The following ZNF3 variants were observed in gnomAD, a reference collection of about 807,000 sequenced individuals.
ZNF3 encodes C2-H2 type zinc finger protein.
In ZNF3, 16 loss-of-function variants were observed where a neutral mutation model predicts 36.9. That is an observed-to-expected ratio of 0.43 (90% confidence interval 0.29 to 0.66). The LOEUF (loss-of-function observed/expected upper bound fraction) is 0.66. Ranked by LOEUF, ZNF3 falls within the 30% of genes least tolerant of loss-of-function variation. The pLI is 0.13. For synonymous variants in ZNF3, 201 were observed against 201.9 expected (o/e 1.00, Z 0.04); for missense variants, 462 against 543.1 (o/e 0.85, Z 1.48).
chr7:100,073,754 A>G (rs963255515), intron 5 of ZNF3, among the ~76,000 whole-genome samples: 1 of 152,142 alleles, frequency 6.6e-6, no homozygotes, highest in African/African-American at 2.4e-5. Context: ...AGAAGCAGAG[A>G]AGGAGAGGAC....
At position 100,071,110 on chromosome 7, in the gene ZNF3, A is replaced by G. The variant is rs367811123; in HGVS notation, c.*33T>C. The G allele has an allele frequency of 6.9e-5, 106 of 1,545,828 alleles. No individual in the cohort carries two copies. Among genetic ancestry groups the G allele is most frequent in the Non-Finnish European group, 8.7e-5 (100 of 1,148,082 alleles). On this transcript the variant is annotated 3_prime_UTR_variant, in exon 6 of 6. Transcript: ENST00000299667. ...GGTAAGGCAAGAGCTCTTGAGACTC[A>G]GGGAAAGTGAGGAAAATGGGTGTGT...
chr7:100,081,788 C>T (rs1026997595), upstream of ZNF3: 3 of 152,366 alleles, frequency 2.0e-5, no homozygotes, highest in African/African-American at 7.2e-5. The surrounding 1 kb of genome is among the most constrained non-coding windows in gnomAD (Gnocchi z 4.3). Flanking sequence ...ACCCGTACCC[C>T]CAACGCCCAC....
chr7:100,074,164 A>G (rs1793681225), intron 5 of ZNF3, among the ~76,000 whole-genome samples: 1 of 152,090 alleles, frequency 6.6e-6, no homozygotes, highest in South Asian at 2.1e-4. Context: ...CAAAAAAAAA[A>G]GGTACCAGAT....
At chr7:100,075,730 C>G in intron 3 of ZNF3, 100 bp from the exon 4 acceptor site, 1 of 1,051,968 alleles carries the variant, frequency 9.5e-7, no homozygotes, top group South Asian at 1.4e-5. Context: ...GGTCCTGGGA[C>G]AACACAGGAC....
intron 2 of ZNF3, among the ~76,000 whole-genome samples, chr7:100,078,506 A>G (rs1437516920): frequency 6.6e-6 from 1 of 151,458 alleles, no homozygotes; most frequent in Non-Finnish European, 1.5e-5. Flanking sequence ...AAAAAAAAAA[A>G]AAAAGAAAAA....
chr7:100,075,862 T>C (rs1261777227), intron 3 of ZNF3, among the ~76,000 whole-genome samples: 1 of 152,154 alleles, frequency 6.6e-6, no homozygotes, highest in African/African-American at 2.4e-5. Flanking sequence ...TCATTCTTAG[T>C]CTCCAGTCTG....
chr7:100,076,008 A>AT (rs112026004), intron 3 of ZNF3, among the ~76,000 whole-genome samples: 3,199 of 139,628 alleles, frequency 0.023, 105 homozygotes, highest in African/African-American at 0.071. Context: ...ATGAAGTTCT[A>AT]TTTTTTTTTT....
chr7:100,064,797 G>T, exon 6 of ZNF3: 2 of 1,614,192 alleles, frequency 1.2e-6, no homozygotes, highest in African/African-American at 1.3e-5. Context: ...CTCAGAAGGT[G>T]TCAGGAGGTT....
chr7:100,073,251 C>T (rs1004440745), intron 5 of ZNF3, among the ~76,000 whole-genome samples: 2 of 152,170 alleles, frequency 1.3e-5, no homozygotes, highest in African/African-American at 4.8e-5. Flanking sequence ...GTTAGGAAGA[C>T]GTCCTGGCTC....
Position 100,070,861 on chromosome 7 carries a change from T to C in ZNF3, c.*282A>G, listed in dbSNP as rs1309515051. On this transcript the variant is annotated 3_prime_UTR_variant, in exon 6 of 6. Coordinates refer to ENST00000299667, the MANE Select transcript of ZNF3 (RefSeq NM_032924.5). Reference sequence around the variant, plus strand: ...TGCTTCCATCCCCACCTTGGAAAGGTTCCTCTGCTGTGAGAAAAACAGTTT... The same window carrying C: ...TGCTTCCATCCCCACCTTGGAAAGGCTCCTCTGCTGTGAGAAAAACAGTTT... 2 of 1,186,692 alleles carry C rather than the reference T, an allele frequency of 1.7e-6. No homozygotes were observed. Among genetic ancestry groups the C allele is most frequent in the African/African-American group, 1.6e-5 (1 of 64,170 alleles). 73.5% of individuals were successfully genotyped at this position (1,186,692 alleles called of 1,614,324 possible). A position where few individuals can be genotyped will look rare whatever the true frequency, so the allele number is the denominator to read the frequency against.
exon 6 of ZNF3, chr7:100,064,478 G>C: frequency 6.2e-7 from 1 of 1,613,800 alleles, no homozygotes; most frequent in Non-Finnish European, 8.5e-7. Context: ...TTCAACCACA[G>C]CTCCAACTTC....
intron 3 of ZNF3, among the ~76,000 whole-genome samples, chr7:100,076,823 T>C (rs916897808): frequency 2.0e-5 from 3 of 152,214 alleles, no homozygotes; most frequent in African/African-American, 2.4e-5. Context: ...CGGTGGGTCA[T>C]GCCTGTAATT....
rs745345638 is a variant in ZNF3, at chr7:100,071,848, A to T, written c.636T>A (p.Thr212=). The T allele has an allele frequency of 5.2e-5, 84 of 1,613,928 alleles. No homozygotes were observed. The African/African-American group carries it at 9.7e-4, about 19-fold the overall frequency. ...CDECSKSFNR[T]SDLIQHQRIH... is the part of the protein sequence containing the mutation. ...TTCTCTGATGTTGAATAAGGTCTGA[A>T]GTTCGATTAAAGCTCTTGCTACATT... The change falls in exon 6 of 6, where the codon ACT becomes ACA. Residue 212 remains threonine, a synonymous_variant. Coordinates refer to ENST00000299667, the MANE Select transcript of ZNF3 (RefSeq NM_032924.5).
chr7:100,075,743 T>C (rs1793996354), intron 3 of ZNF3, 113 bp from the exon 4 acceptor site: 4 of 900,696 alleles, frequency 4.4e-6, no homozygotes, highest in Non-Finnish European at 7.0e-6. Flanking sequence ...CACAGGACCC[T>C]CTCTCTCACA....
At chr7:100,064,000 A>G (rs1792490824), downstream of ZNF3, 3 of 1,614,062 alleles carry the variant, frequency 1.9e-6, no homozygotes, top group South Asian at 1.1e-5. Flanking sequence ...AGTTCCTACT[A>G]AACCTACCCC....
rs151142929 is a variant in ZNF3, at chr7:100,071,094, A to C, written c.*49T>G. On this transcript the variant is annotated 3_prime_UTR_variant, in exon 6 of 6. Coordinates refer to ENST00000299667, the MANE Select transcript of ZNF3 (RefSeq NM_032924.5). ...CTGTTGAGATTTATAGGGTAAGGCAAGAGCTCTTGAGACTCAGGGAAAGTG... is the reference window on the plus strand; with the variant it reads ...CTGTTGAGATTTATAGGGTAAGGCACGAGCTCTTGAGACTCAGGGAAAGTG... 1.3e-6 allele frequency: 2 copies of C among 1,532,320 alleles called. No homozygotes were observed. The highest frequency in any genetic ancestry group is 2.1e-5 in the Admixed American group (1 of 47,438). The allele number at this position is 1,532,320 out of a possible 1,614,324, so 94.9% of individuals were successfully genotyped here.
At chr7:100,068,132 G>T (rs1433654943), downstream of ZNF3, among the ~76,000 whole-genome samples, 1 of 152,048 alleles carries the variant, frequency 6.6e-6, no homozygotes, top group Non-Finnish European at 1.5e-5. Flanking sequence ...TGTCACCCAG[G>T]CTGGAGTGCA....
chr7:100,069,473 AC>A (rs1219829112), downstream of ZNF3, among the ~76,000 whole-genome samples: 1 of 149,576 alleles, frequency 6.7e-6, no homozygotes, highest in Non-Finnish European at 1.5e-5. Context: ...AAGTGCTTGA[AC>A]CCGGGAGGCA....
Position 100,081,150 on chromosome 7 carries a change from G to C in ZNF3, c.-198+485C>G, listed in dbSNP as rs1008458808. Among the ~76,000 whole-genome samples the C allele has an allele frequency of 9.2e-5, 14 of 152,266 alleles. No homozygotes were observed. Among genetic ancestry groups the C allele is most frequent in the Admixed American group, 1.3e-4 (2 of 15,292 alleles). On this transcript the variant is annotated intron_variant, in intron 1 of 5. Coordinates refer to ENST00000299667, the MANE Select transcript of ZNF3 (RefSeq NM_032924.5). This position sits in a 1 kb window ranked among gnomAD's most constrained non-coding sequence, Gnocchi z 4.3. ...CAGCAGGATTACCCCTGGAATCGGC[G>C]TCTGCACCCACTCCCAGCCCTCGTG...
Sources: gnomAD v4.1 joint callset for allele counts (sites outside exome capture counted in the v4.1 genomes callset) on GRCh38, gnomAD v4.1.1 for gene constraint, Gnocchi (gnomAD v3.1) non-coding constraint, MANE v1.5 for transcripts, NCBI Gene and HGNC (gene_info 2026-07-23, HGNC 2026-07-21) for gene names.